The following MACROD2 variants were observed in gnomAD, a reference collection of about 807,000 sequenced individuals.
The protein encoded by MACROD2 is ADP-ribose glycohydrolase MACROD2.
In MACROD2, 36 loss-of-function variants were observed where a neutral mutation model predicts 70.4. The observed-to-expected ratio is 0.51, with a 90% confidence interval of 0.39 to 0.68. The LOEUF is 0.68. MACROD2 is among the 30% of genes least tolerant of loss of function. The pLI, the probability that MACROD2 is intolerant of heterozygous loss-of-function variation, is 0.00. For synonymous variants in MACROD2, 172 were observed against 178.8 expected, an observed-to-expected ratio of 0.96 and a Z score of 0.30; for missense variants, 496 against 538.4, an observed-to-expected ratio of 0.92 and a Z score of 0.78.
Position 15,294,755 on chromosome 20 carries a change from T to C in MACROD2, c.540+64694T>C, listed in dbSNP as rs1273758011. ...CTTTGTCTCTTCCTTCCCCCAACTGTGTGGAATTGACGTTCTTGGTTTTTA... is the reference window on the plus strand; with the variant it reads ...CTTTGTCTCTTCCTTCCCCCAACTGCGTGGAATTGACGTTCTTGGTTTTTA... On this transcript the variant is annotated intron_variant, in intron 6 of 17. Transcript: ENST00000684519. 6.6e-5 allele frequency among the ~76,000 whole-genome samples: 10 copies of C among 152,194 alleles called. No homozygotes were observed. The East Asian group carries it at 1.7e-3, about 26-fold the overall frequency.
intron 5 of MACROD2, among the ~76,000 whole-genome samples, chr20:14,871,555 C>A (rs1038352505): frequency 5.3e-5 from 8 of 152,030 alleles, no homozygotes; most frequent in Admixed American, 4.6e-4. Flanking sequence ...TATTATTAGC[C>A]ATTACAAAAA....
intron 2 of MACROD2, among the ~76,000 whole-genome samples, chr20:14,031,597 A>G (rs1018990995): frequency 3.9e-5 from 6 of 152,184 alleles, no homozygotes; most frequent in Non-Finnish European, 8.8e-5. Flanking sequence ...CAGTACTGGA[A>G]ATCAGTAGAG....
chr20:14,588,884 A>G (rs916267977), intron 4 of MACROD2, among the ~76,000 whole-genome samples: 3 of 152,242 alleles, frequency 2.0e-5, no homozygotes, highest in Non-Finnish European at 4.4e-5. Flanking sequence ...TTAATTTCCA[A>G]GTAACTTATA....
intron 6 of MACROD2, among the ~76,000 whole-genome samples, chr20:15,416,747 A>C (rs1260755326): frequency 6.7e-6 from 1 of 148,744 alleles, no homozygotes; most frequent in Non-Finnish European, 1.5e-5. Context: ...TACTAAAAAT[A>C]CAAAAAATTA....
At chr20:14,979,744 T>C (rs2423895) in intron 5 of MACROD2, among the ~76,000 whole-genome samples, 3,239 of 152,354 alleles carry the variant, frequency 0.021, 69 homozygotes, top group Admixed American at 0.048. Context: ...GTTGTTTCTA[T>C]CCTTTGTTGT....
intron 3 of MACROD2, among the ~76,000 whole-genome samples, chr20:14,090,346 G>A (rs558961845): frequency 8.6e-5 from 13 of 151,634 alleles, no homozygotes; most frequent in Non-Finnish European, 1.3e-4. Context: ...AGGTCAAGGC[G>A]GGTGGATCAT....
At chr20:15,519,373 C>T (rs973419202) in intron 8 of MACROD2, among the ~76,000 whole-genome samples, 14 of 152,122 alleles carry the variant, frequency 9.2e-5, no homozygotes, top group African/African-American at 3.4e-4. Flanking sequence ...ATCCTCCCAC[C>T]TTGGCCTCCC....
At chr20:14,340,836 C>G (rs1429738547) in intron 3 of MACROD2, among the ~76,000 whole-genome samples, 2 of 152,204 alleles carry the variant, frequency 1.3e-5, no homozygotes, top group African/African-American at 2.4e-5. Flanking sequence ...AACTTGTCAT[C>G]TCAAAGGACT....
At chr20:15,071,948 C>T (rs76286269) in intron 5 of MACROD2, among the ~76,000 whole-genome samples, 3,579 of 152,042 alleles carry the variant, frequency 0.024, 165 homozygotes, top group African/African-American at 0.082. Context: ...CTAGCAGTTG[C>T]CTTTTCTACT....
intron 6 of MACROD2, among the ~76,000 whole-genome samples, chr20:15,244,495 G>T (rs1303323984): frequency 6.6e-6 from 1 of 152,056 alleles, no homozygotes; most frequent in Non-Finnish European, 1.5e-5. Context: ...AGACATGGAA[G>T]ACTTTGAGGT....
chr20:14,815,149 T>G (rs984091006), intron 5 of MACROD2, among the ~76,000 whole-genome samples: 3 of 152,060 alleles, frequency 2.0e-5, no homozygotes, highest in Non-Finnish European at 4.4e-5. Context: ...TATTTTAATC[T>G]GTTACCCAAT....
At chr20:15,569,838 A>G (rs1393476467) in intron 8 of MACROD2, among the ~76,000 whole-genome samples, 1 of 152,154 alleles carries the variant, frequency 6.6e-6, no homozygotes, top group East Asian at 1.9e-4. Flanking sequence ...GTATGGCTGA[A>G]TAGTATTCCA....
At chr20:14,665,555 G>A (rs1258518066) in intron 4 of MACROD2, among the ~76,000 whole-genome samples, 1 of 151,272 alleles carries the variant, frequency 6.6e-6, no homozygotes, top group Non-Finnish European at 1.5e-5. Context: ...AGCTGGAAAT[G>A]CCTAGGTTCC....
At chr20:15,486,902 A>C (rs1181535633) in intron 7 of MACROD2, among the ~76,000 whole-genome samples, 5 of 152,194 alleles carry the variant, frequency 3.3e-5, no homozygotes, top group Non-Finnish European at 5.9e-5. Context: ...AGCAAATAGC[A>C]TGTATTGTCT....
At chr20:14,775,205 C>A (rs1383909399) in intron 5 of MACROD2, among the ~76,000 whole-genome samples, 1 of 152,054 alleles carries the variant, frequency 6.6e-6, no homozygotes, top group African/African-American at 2.4e-5. Flanking sequence ...TATGACAATT[C>A]TTGAATGAAG....
At chr20:16,013,792 T>C (rs1393310540) in intron 15 of MACROD2, among the ~76,000 whole-genome samples, 1 of 152,232 alleles carries the variant, frequency 6.6e-6, no homozygotes, top group Non-Finnish European at 1.5e-5. Flanking sequence ...CAGATTCCTC[T>C]GACCATAGCT....
chr20:14,948,096 C>T (rs1461138177), intron 5 of MACROD2, among the ~76,000 whole-genome samples: 2 of 152,148 alleles, frequency 1.3e-5, no homozygotes, highest in Non-Finnish European at 2.9e-5. Flanking sequence ...CTTCCTTTGG[C>T]ACAGAGCAAG....
At chr20:14,016,982 C>T (rs192813560) in intron 2 of MACROD2, among the ~76,000 whole-genome samples, 11 of 152,166 alleles carry the variant, frequency 7.2e-5, no homozygotes, top group East Asian at 1.9e-4. Context: ...CATGAACATG[C>T]GATGTCTTTC....
At position 14,882,459 on chromosome 20, in the gene MACROD2, C is replaced by T. The variant is rs915473064; in HGVS notation, c.418+197500C>T. On this transcript the variant is annotated intron_variant, in intron 5 of 17. Coordinates refer to ENST00000684519, the MANE Select transcript of MACROD2 (RefSeq NM_001351661.2). Reference sequence around the variant, plus strand: ...TGTTTTATACCTGTTATGTAACCTCCGTAAGAATAGCTGAATACTCAGTTT... The same window carrying T: ...TGTTTTATACCTGTTATGTAACCTCTGTAAGAATAGCTGAATACTCAGTTT... Among the ~76,000 whole-genome samples the T allele has an allele frequency of 4.6e-5, 7 of 152,080 alleles. No individual in the cohort carries two copies. The South Asian group carries it at 6.2e-4, about 14-fold the overall frequency.
Sources: gnomAD v4.1 joint callset for allele counts (sites outside exome capture counted in the v4.1 genomes callset) on GRCh38, gnomAD v4.1.1 for gene constraint, MANE v1.5 for transcripts, NCBI Gene and HGNC (gene_info 2026-07-23, HGNC 2026-07-21) for gene names.